The following NXPE1 variants were observed in gnomAD, a reference collection of about 807,000 sequenced individuals.
NXPE1 encodes neurexophilin and PC-esterase domain family member 1.
A neutral mutation model predicts 33.3 loss-of-function variants in NXPE1; 31 were observed. The ratio of observed to expected loss-of-function variants is 0.93; its 90% CI spans 0.70 to 1.26. The LOEUF (loss-of-function observed/expected upper bound fraction) is 1.26, where lower values mean the gene tolerates loss of function less well. Ranked by LOEUF, NXPE1 falls within the 50% of genes most tolerant of loss-of-function variation. The pLI is 0.00. For synonymous variants in NXPE1, 229 were observed against 231.4 expected, an observed-to-expected ratio of 0.99 and a Z score of 0.09; for missense variants, 661 against 655.6, an observed-to-expected ratio of 1.01 and a Z score of -0.09.
At chr11:114,542,582 T>C (rs1426698910) in intron 5 of NXPE1, among the ~76,000 whole-genome samples, 2 of 152,120 alleles carry the variant, frequency 1.3e-5, no homozygotes, top group Non-Finnish European at 2.9e-5. Flanking sequence ...TGGGGAGAGC[T>C]ATGAAAAGCA....
At chr11:114,534,666 AC>A (rs1184753032) in intron 5 of NXPE1, among the ~76,000 whole-genome samples, 1 of 152,234 alleles carries the variant, frequency 6.6e-6, no homozygotes, top group Non-Finnish European at 1.5e-5. Flanking sequence ...GATGTGATCA[AC>A]TGGAAGAAAG....
intron 5 of NXPE1, among the ~76,000 whole-genome samples, chr11:114,533,012 A>G (rs1947641506): frequency 6.6e-6 from 1 of 152,246 alleles, no homozygotes; most frequent in Non-Finnish European, 1.5e-5. Flanking sequence ...AAACATTTTA[A>G]AAGTCAAGGA....
At chr11:114,532,042 GAGAATGATTAC>G (rs1432482577) in intron 5 of NXPE1, among the ~76,000 whole-genome samples, 4 of 152,156 alleles carry the variant, frequency 2.6e-5, no homozygotes, top group Non-Finnish European at 5.9e-5. Flanking sequence ...AGATAGATTT[GAGAATGATTAC>G]AGACCAGTAG....
intron 5 of NXPE1, among the ~76,000 whole-genome samples, chr11:114,546,593 T>A (rs1200375296): frequency 6.6e-6 from 1 of 151,882 alleles, no homozygotes; most frequent in Non-Finnish European, 1.5e-5. Flanking sequence ...TGGGGCACCA[T>A]GCCTGGCCAA....
chr11:114,528,853 C>T, intron 6 of NXPE1: 1 of 663,000 alleles, frequency 1.5e-6, no homozygotes, highest in Admixed American at 2.0e-5. Context: ...AAAGGATCAG[C>T]ATGTTTTCAT....
intron 6 of NXPE1, 90 bp from the exon 7 acceptor site, chr11:114,527,991 T>C: frequency 2.3e-6 from 2 of 861,872 alleles, no homozygotes; most frequent in Non-Finnish European, 3.6e-6. Context: ...GGAAAATTTT[T>C]AGTTTTCTAT....
chr11:114,522,636 C>T (rs1162748479), intron 8 of NXPE1, 133 bp from the exon 9 acceptor site: 4 of 767,330 alleles, frequency 5.2e-6, no homozygotes, highest in Admixed American at 3.0e-5. Flanking sequence ...CTCTAGGGTA[C>T]AGTACCCCCA....
chr11:114,537,063 A>G (rs537100910), intron 5 of NXPE1, among the ~76,000 whole-genome samples: 121 of 152,324 alleles, frequency 7.9e-4, no homozygotes, highest in Non-Finnish European at 1.2e-3. Flanking sequence ...CCAGCAACAC[A>G]TCAAAAAGCT....
intron 7 of NXPE1, among the ~76,000 whole-genome samples, chr11:114,523,987 A>C (rs753837906): frequency 7.2e-5 from 11 of 152,234 alleles, no homozygotes; most frequent in Non-Finnish European, 1.6e-4. Flanking sequence ...TGGAGTGAGA[A>C]GGCCAGGGCT....
At chr11:114,542,144 T>C (rs892520646) in intron 5 of NXPE1, among the ~76,000 whole-genome samples, 3 of 152,346 alleles carry the variant, frequency 2.0e-5, no homozygotes, top group Non-Finnish European at 4.4e-5. Flanking sequence ...TTATGTAGCA[T>C]CTCACTTTAT....
At chr11:114,551,232 G>T in intron 4 of NXPE1, 21 bp from the exon 5 acceptor site, 1 of 1,435,768 alleles carries the variant, frequency 7.0e-7, no homozygotes, top group South Asian at 1.2e-5. Context: ...TGACACAAGA[G>T]AGGAGTCGTG....
exon 6 of NXPE1, chr11:114,530,898 G>A: frequency 6.2e-7 from 1 of 1,605,710 alleles, no homozygotes; most frequent in Non-Finnish European, 8.5e-7. Context: ...TAAGTTTAGA[G>A]CAGACCAAAG....
intron 5 of NXPE1, among the ~76,000 whole-genome samples, chr11:114,535,960 C>T (rs1240024812): frequency 2.0e-5 from 3 of 152,164 alleles, no homozygotes; most frequent in Non-Finnish European, 4.4e-5. Context: ...ACTCTCCACC[C>T]CAAATCAACA....
intron 5 of NXPE1, among the ~76,000 whole-genome samples, chr11:114,538,674 C>A (rs1464635985): frequency 6.6e-6 from 1 of 152,100 alleles, no homozygotes. Context: ...CCAAAAAACA[C>A]GTGAAAAAAT....
At chr11:114,523,678 G>C (rs1266811224) in intron 7 of NXPE1, among the ~76,000 whole-genome samples, 1 of 152,174 alleles carries the variant, frequency 6.6e-6, no homozygotes, top group African/African-American at 2.4e-5. Context: ...TTTCACTAGA[G>C]TTTCAGGCTC....
exon 9 of NXPE1, chr11:114,521,718 C>G: frequency 2.4e-6 from 1 of 415,616 alleles, no homozygotes; most frequent in Non-Finnish European, 4.3e-6. Flanking sequence ...AATAACATGG[C>G]TTTTAAAAAA....
chr11:114,535,630 A>G (rs1449928825), intron 5 of NXPE1, among the ~76,000 whole-genome samples: 1 of 152,224 alleles, frequency 6.6e-6, no homozygotes, highest in Non-Finnish European at 1.5e-5. Context: ...AGGGATTGCA[A>G]TCCTAGTCTC....
chr11:114,553,991 T>C (rs1948590013), intron 1 of NXPE1: 20 of 985,420 alleles, frequency 2.0e-5, no homozygotes, highest in Non-Finnish European at 2.4e-5. Context: ...AAAGTCAACT[T>C]GTCCAATTGC....
intron 7 of NXPE1, among the ~76,000 whole-genome samples, chr11:114,524,922 C>T (rs909521103): frequency 2.6e-5 from 4 of 152,064 alleles, no homozygotes; most frequent in African/African-American, 9.7e-5. Flanking sequence ...ATTTTAGATG[C>T]TAATCTGCTA....
Sources: allele counts gnomAD v4.1 joint callset (sites outside exome capture counted in the v4.1 genomes callset), GRCh38; gene constraint gnomAD v4.1.1; transcripts MANE v1.5; gene names NCBI Gene and HGNC (gene_info 2026-07-23, HGNC 2026-07-21).